Variants in CD302 observed in about 807,000 individuals in gnomAD.
The protein encoded by CD302 is CD302 molecule.
A neutral mutation model predicts 26.5 loss-of-function variants in CD302; 23 were observed. The observed-to-expected ratio is 0.87, with a 90% confidence interval of 0.62 to 1.23. The LOEUF (loss-of-function observed/expected upper bound fraction) is 1.23. Ranked by LOEUF, CD302 falls within the 50% of genes most tolerant of loss-of-function variation. The pLI, the probability that CD302 is intolerant of heterozygous loss-of-function variation, is 0.00. For missense variants in CD302, 290 were observed against 275.5 expected, an observed-to-expected ratio of 1.05 and a Z score of -0.37; for synonymous variants, 90 against 99.4, an observed-to-expected ratio of 0.91 and a Z score of 0.56.
At position 159,780,058 on chromosome 2, in the gene CD302, T is replaced by G; in HGVS notation, c.416A>C (p.Lys139Thr). The change falls in exon 4 of 6, where the codon AAA becomes ACA. Residue 139 changes from lysine (K) to threonine (T), a missense_variant. Coordinates refer to ENST00000259053, the MANE Select transcript of CD302 (RefSeq NM_014880.5). ...AGAAGAAACTTCACAATTTCCTTTT[T>G]TCCATTCACCTGTCTTGATGTGCAG... Reference protein sequence around the residue: ...AFLHIKTGEWKKGNCEVSSVE... With the variant: ...AFLHIKTGEWTKGNCEVSSVE... 2 of 1,614,160 alleles carry G rather than the reference T, an allele frequency of 1.2e-6. No homozygotes were observed. Among genetic ancestry groups the G allele is most frequent in the East Asian group, 2.2e-5 (1 of 44,882 alleles).
At chr2:159,790,878 A>T (rs1341449416) in intron 1 of CD302, among the ~76,000 whole-genome samples, 2 of 152,236 alleles carry the variant, frequency 1.3e-5, no homozygotes, top group African/African-American at 2.4e-5. Context: ...TTGAAACACC[A>T]TTTATATAAA....
At chr2:159,784,762 A>T (rs1464218040) in intron 1 of CD302, among the ~76,000 whole-genome samples, 1 of 152,024 alleles carries the variant, frequency 6.6e-6, no homozygotes, top group Admixed American at 6.5e-5. Context: ...CAACACTCTC[A>T]AGTTTACTAA....
intron 1 of CD302, among the ~76,000 whole-genome samples, chr2:159,790,860 A>C (rs1251841379): frequency 6.6e-6 from 1 of 152,222 alleles, no homozygotes; most frequent in Non-Finnish European, 1.5e-5. Flanking sequence ...ATAAAAATGA[A>C]TTAATTTTTG....
chr2:159,782,270 G>A (rs988265259), intron 2 of CD302, among the ~76,000 whole-genome samples: 8 of 151,544 alleles, frequency 5.3e-5, no homozygotes, highest in Middle Eastern at 3.2e-3. Flanking sequence ...AAAATTAGCC[G>A]GGCCTATTGG....
chr2:159,784,140 G>T (rs1355546661), intron 1 of CD302, among the ~76,000 whole-genome samples: 1 of 152,032 alleles, frequency 6.6e-6, no homozygotes, highest in Non-Finnish European at 1.5e-5. Flanking sequence ...CTAGGCTCTA[G>T]AATTTAATTG....
intron 1 of CD302, among the ~76,000 whole-genome samples, chr2:159,793,678 G>T (rs1708868557): frequency 6.6e-6 from 1 of 152,140 alleles, no homozygotes; most frequent in Non-Finnish European, 1.5e-5. Context: ...GGGAGTGGCT[G>T]TTCCAAGTCC....
chr2:159,776,555 TGTTA>T (rs1708332240), intron 5 of CD302, among the ~76,000 whole-genome samples: 1 of 152,174 alleles, frequency 6.6e-6, no homozygotes, highest in South Asian at 2.1e-4. Context: ...CACTAATGCT[TGTTA>T]TTTATTGTCT....
intron 4 of CD302, 89 bp from the exon 5 acceptor site, chr2:159,778,053 ACC>A (rs5835761): frequency 0.34 from 169,158 of 498,518 alleles, 29,899 homozygotes; most frequent in South Asian, 0.42. Context: ...TTAAAAATAA[ACC>A]CTTTTATTAG....
At chr2:159,796,556 ACTAG>A (rs1300700744) in intron 1 of CD302, among the ~76,000 whole-genome samples, 1 of 152,210 alleles carries the variant, frequency 6.6e-6, no homozygotes, top group East Asian at 1.9e-4. Flanking sequence ...AAGTTGGTTA[ACTAG>A]CTAGGTCAAA....
intron 1 of CD302, among the ~76,000 whole-genome samples, chr2:159,784,432 T>G (rs1215691418): frequency 7.3e-6 from 1 of 137,134 alleles, no homozygotes; most frequent in Non-Finnish European, 1.5e-5. Context: ...CTCAGCTCAC[T>G]GCAGCCTCTG....
In CD302 at chr2:159,775,242, T is replaced by C. The variant is rs138169716; in HGVS notation, c.496+2696A>G. Reference sequence around the variant, plus strand: ...TAACTTTAGGAGAAAGCCTGACACATAGTGTTTACTCACTAAATTACATAC... The same window carrying C: ...TAACTTTAGGAGAAAGCCTGACACACAGTGTTTACTCACTAAATTACATAC... On this transcript the variant is annotated intron_variant, in intron 5 of 5. Transcript: ENST00000259053. 3.6e-4 allele frequency among the ~76,000 whole-genome samples: 55 copies of C among 152,348 alleles called. No homozygotes were observed. The East Asian group carries it at 9.5e-3, about 26-fold the overall frequency.
In CD302 at chr2:159,781,008, T is replaced by C. The variant is rs200581758; in HGVS notation, c.179-10A>G. The C allele has an allele frequency of 7.5e-6, 12 of 1,592,694 alleles. No individual in the cohort carries two copies. Among genetic ancestry groups the C allele is most frequent in the Admixed American group, 3.7e-5 (2 of 53,372 alleles). ...CTTATCATGTCCGCTCCTGAAATTA[T>C]TTTAAAGAGAAAAAAAGTCAGCATA... On this transcript the variant is annotated splice_polypyrimidine_tract_variant and intron_variant, in intron 2 of 5. Coordinates refer to ENST00000259053, the MANE Select transcript of CD302 (RefSeq NM_014880.5).
intron 1 of CD302, among the ~76,000 whole-genome samples, chr2:159,787,878 G>C (rs954724841): frequency 6.6e-6 from 1 of 152,028 alleles, no homozygotes; most frequent in African/African-American, 2.4e-5. Flanking sequence ...ACCGAGGTGG[G>C]TGGATCACCT....
intron 1 of CD302, among the ~76,000 whole-genome samples, chr2:159,794,446 T>C (rs1287614940): frequency 6.6e-6 from 1 of 151,374 alleles, no homozygotes; most frequent in Non-Finnish European, 1.5e-5. Flanking sequence ...GTAAAAGAAG[T>C]CCTGAAATAA....
chr2:159,778,268 G>C (rs1020100621), intron 4 of CD302, among the ~76,000 whole-genome samples: 3 of 152,142 alleles, frequency 2.0e-5, no homozygotes, highest in Admixed American at 2.0e-4. Flanking sequence ...TCTGGTTGGA[G>C]AGTCTAGAAA....
chr2:159,789,481 G>A (rs150545209), intron 1 of CD302, among the ~76,000 whole-genome samples: 379 of 151,000 alleles, frequency 2.5e-3, no homozygotes, highest in African/African-American at 8.7e-3. Flanking sequence ...GTCCATTTCT[G>A]AAAACTCTAA....
At chr2:159,782,785 AGAGAACACT>A (rs1424049452) in intron 2 of CD302, among the ~76,000 whole-genome samples, 1 of 151,846 alleles carries the variant, frequency 6.6e-6, no homozygotes, top group Non-Finnish European at 1.5e-5. Context: ...TCTATTTCCT[AGAGAACACT>A]GAGTGTATGG....
chr2:159,795,091 C>T (rs1006161929), intron 1 of CD302, among the ~76,000 whole-genome samples: 4 of 151,330 alleles, frequency 2.6e-5, no homozygotes, highest in East Asian at 2.0e-4. Flanking sequence ...GGCATGGTGG[C>T]GCATGCCTGT....
chr2:159,775,801 G>A (rs1708296750), intron 5 of CD302, among the ~76,000 whole-genome samples: 1 of 151,952 alleles, frequency 6.6e-6, no homozygotes, highest in South Asian at 2.1e-4. Context: ...CCTTGGCAAA[G>A]AGTTTCTTGG....
Sources: allele counts gnomAD v4.1 joint callset (sites outside exome capture counted in the v4.1 genomes callset), GRCh38; gene constraint gnomAD v4.1.1; transcripts MANE v1.5; gene names NCBI Gene and HGNC (gene_info 2026-07-23, HGNC 2026-07-21).